The following DNMT1 variants were observed in gnomAD, a reference collection of about 807,000 sequenced individuals.
DNMT1 encodes the protein DNA methyltransferase 1, also known as DNA (cytosine-5)-methyltransferase 1.
Under a neutral mutation model 205.3 loss-of-function variants are expected in DNMT1, and 24 were observed. The ratio of observed to expected loss-of-function variants is 0.12; its 90% CI spans 0.08 to 0.16. DNMT1 has a LOEUF of 0.16. Ranked by LOEUF, DNMT1 falls within the 10% of genes least tolerant of loss-of-function variation. The pLI is 1.00. For synonymous variants in DNMT1, 817 were observed against 839.8 expected, an observed-to-expected ratio of 0.97 and a Z score of 0.47; for missense variants, 1,293 against 2,177.7, an observed-to-expected ratio of 0.59 and a Z score of 8.09.
intron 13 of DNMT1, 27 bp downstream of exon 13, chr19:10,162,640 A>T (rs2038594541): frequency 7.5e-6 from 11 of 1,463,348 alleles, no homozygotes; most frequent in East Asian, 4.9e-5. Context: ...AAAAAAAAAA[A>T]GAAAGAAAGA....
At chr19:10,175,457 A>G in intron 7 of DNMT1, 83 bp downstream of exon 7, 2 of 1,540,506 alleles carry the variant, frequency 1.3e-6, no homozygotes, top group Non-Finnish European at 1.8e-6. Flanking sequence ...GTTTTTATTT[A>G]CTTGGACAGA....
In DNMT1 at chr19:10,138,391, A is replaced by C. The variant is rs779688616; in HGVS notation, c.4115+48T>G. On this transcript the variant is annotated intron_variant, in intron 35 of 40. Transcript: ENST00000359526. This position sits in a 1 kb window ranked among gnomAD's most constrained non-coding sequence, Gnocchi z 4.1. The stretch of plus-strand genomic sequence containing the variant: ...GGAGTACTCACGGGCCCCATGAGCT[A>C]CTGAGGCCTGCTCGGCAGTGTGTGG... The C allele has an allele frequency of 7.4e-6, 12 of 1,612,778 alleles. No homozygotes were observed. In the East Asian group the frequency reaches 2.7e-4, roughly 36 times the overall value.
intron 37 of DNMT1, among the ~76,000 whole-genome samples, chr19:10,136,539 G>A (rs1004092862): frequency 1.3e-5 from 2 of 151,348 alleles, no homozygotes; most frequent in Non-Finnish European, 2.9e-5. Flanking sequence ...GGGTTCAAGC[G>A]ATTCTCCTGC....
At position 10,140,778 on chromosome 19, in the gene DNMT1, C is replaced by T; in HGVS notation, c.3523+3G>A. On this transcript the variant is annotated splice_donor_region_variant and intron_variant, in intron 32 of 40. Transcript: ENST00000359526. The surrounding 1 kb of genome is among the most constrained non-coding windows in gnomAD (Gnocchi z 8.4). ...TTCAGAGATGGAGCCTACGGGCGCTCACCTGCTTGGTGGAATCCCTCCGAC... is the reference window on the plus strand; with the variant it reads ...TTCAGAGATGGAGCCTACGGGCGCTTACCTGCTTGGTGGAATCCCTCCGAC... The T allele has an allele frequency of 6.2e-7, 1 of 1,614,024 alleles. No homozygotes were observed. The highest frequency in any genetic ancestry group is 8.5e-7 in the Non-Finnish European group (1 of 1,179,936).
chr19:10,146,645 T>C lies in DNMT1; in HGVS notation c.2721-121A>G. On this transcript the variant is annotated intron_variant, in intron 27 of 40. Coordinates refer to ENST00000359526, the MANE Select transcript of DNMT1 (RefSeq NM_001130823.3). The surrounding 1 kb of genome is among the most constrained non-coding windows in gnomAD (Gnocchi z 4.4). Reference sequence around the variant, plus strand: ...AAGAGGAAAAAACATTTGCAGATGCTAGAAGGAAGAGGTGGCTTTCTTGTG... The same window carrying C: ...AAGAGGAAAAAACATTTGCAGATGCCAGAAGGAAGAGGTGGCTTTCTTGTG... 1 of 1,280,852 alleles carries C rather than the reference T, an allele frequency of 7.8e-7. No individual in the cohort carries two copies. Among genetic ancestry groups the C allele is most frequent in the Non-Finnish European group, 1.1e-6 (1 of 917,868 alleles). 79.3% of individuals were successfully genotyped at this position (1,280,852 alleles called of 1,614,324 possible). A position where few individuals can be genotyped will look rare whatever the true frequency, so the allele number is the denominator to read the frequency against.
At chr19:10,183,869 C>A (rs1279978498) in intron 1 of DNMT1, among the ~76,000 whole-genome samples, 1 of 151,862 alleles carries the variant, frequency 6.6e-6, no homozygotes, top group Non-Finnish European at 1.5e-5. Flanking sequence ...GAGTGAAACT[C>A]TGTCTCAAAA....
intron 1 of DNMT1, among the ~76,000 whole-genome samples, chr19:10,188,836 C>T (rs984059458): frequency 1.3e-5 from 2 of 152,084 alleles, no homozygotes; most frequent in South Asian, 2.1e-4. Context: ...GGGATGAGAC[C>T]GCCTCCAGAA....
At chr19:10,187,803 G>C (rs1306971417) in intron 1 of DNMT1, among the ~76,000 whole-genome samples, 1 of 151,548 alleles carries the variant, frequency 6.6e-6, no homozygotes, top group Non-Finnish European at 1.5e-5. Context: ...AGGAATTCAA[G>C]ACCAGCCTGA....
chr19:10,191,737 T>C (rs2039308616), intron 1 of DNMT1, among the ~76,000 whole-genome samples: 1 of 152,104 alleles, frequency 6.6e-6, no homozygotes, highest in African/African-American at 2.4e-5. Context: ...GGCTCACGCC[T>C]GTAATCTCAG....
At position 10,156,028 on chromosome 19, in the gene DNMT1, C is replaced by T. The variant is rs946373816; in HGVS notation, c.1400-83G>A. On this transcript the variant is annotated intron_variant, in intron 18 of 40. Coordinates refer to ENST00000359526, the MANE Select transcript of DNMT1 (RefSeq NM_001130823.3). The surrounding 1 kb of genome is among the most constrained non-coding windows in gnomAD (Gnocchi z 4.2). Reference sequence around the variant, plus strand: ...GCGCTCTAAGCGCCCACTCAGCAGACATCCCATCAGCCAGGTCGGGTGCTC... The same window carrying T: ...GCGCTCTAAGCGCCCACTCAGCAGATATCCCATCAGCCAGGTCGGGTGCTC... 4.9e-6 allele frequency: 7 copies of T among 1,426,052 alleles called. No individual in the cohort carries two copies. Among genetic ancestry groups the T allele is most frequent in the Non-Finnish European group, 4.8e-6 (5 of 1,032,820 alleles). The allele number at this position is 1,426,052 out of a possible 1,614,324, so 88.3% of individuals were successfully genotyped here.
At position 10,137,019 on chromosome 19, in the gene DNMT1, C is replaced by A; in HGVS notation, c.4489+66G>T. The A allele has an allele frequency of 6.4e-7, 1 of 1,567,814 alleles. No individual in the cohort carries two copies. Among genetic ancestry groups the A allele is most frequent in the Non-Finnish European group, 8.7e-7 (1 of 1,155,744 alleles). ...CTGCCCTGGCCTCCAGGTTCACAGG[C>A]CAAAGGCCCAGGGCTCTGCCTTCCT... On this transcript the variant is annotated intron_variant, in intron 37 of 40. Transcript: ENST00000359526. This position sits in a 1 kb window ranked among gnomAD's most constrained non-coding sequence, Gnocchi z 6.4.
rs766051225 is a variant in DNMT1, at chr19:10,138,553, G to A, written c.4001C>T (p.Ala1334Val). 70 of 1,610,746 alleles carry A rather than the reference G, an allele frequency of 4.3e-5. No individual in the cohort carries two copies. The highest frequency in any genetic ancestry group is 3.1e-4 in the South Asian group (28 of 91,092). The change falls in exon 35 of 41, where the codon GCG (alanine) becomes GTG (valine). Residue 1334 changes from alanine to valine, a missense_variant. Ala to Val is a moderately conservative substitution (Grantham distance 64). Around this residue, in one of 13 missense-constraint regions of DNMT1, gnomAD observed 148 missense variants for 256.1 expected, o/e 0.58. Coordinates refer to ENST00000359526, the MANE Select transcript of DNMT1 (RefSeq NM_001130823.3). This position sits in a 1 kb window ranked among gnomAD's most constrained non-coding sequence, Gnocchi z 4.1. ...CAGAGGGAGCTTCTCTCCAGGGGCC[G>A]CGGCCAGGATGATGGCCCGCCTCCT... ...QTRRRAIILA[A>V]APGEKLPLFP...
In DNMT1 at chr19:10,154,727, T is replaced by C. The variant is rs2038422188; in HGVS notation, c.1691A>G (p.Asp564Gly). The C allele has an allele frequency of 6.2e-7, 1 of 1,613,920 alleles. No homozygotes were observed. Residue 564 changes from aspartate (D) to glycine (G), a missense_variant, in exon 21 of 41, where the codon GAC (aspartate) becomes GGC (glycine). This residue lies in a region of DNMT1 where 120 missense variants were observed against 315.9 expected (regional missense o/e 0.38). Transcript: ENST00000359526. This position sits in a 1 kb window ranked among gnomAD's most constrained non-coding sequence, Gnocchi z 6.3. ...AAACTGCGCGTGTCGCAGGAGGGAG[T>C]CCTCTGTGAAGCGGTTCAAGTTGAG... ...SGLNLNRFTEDSLLRHAQFVV... is the reference protein window; with the variant it reads ...SGLNLNRFTEGSLLRHAQFVV...
In DNMT1 at chr19:10,154,565, T is replaced by C; in HGVS notation, c.1832+21A>G. On this transcript the variant is annotated intron_variant, in intron 21 of 40. Transcript: ENST00000359526. The surrounding 1 kb of genome is among the most constrained non-coding windows in gnomAD (Gnocchi z 6.3). ...CCTCCCCGGTCTCCAGTCTTCACTC[T>C]GGTCCCTGCCGCATCCTTACCTCTG... 1 of 1,613,870 alleles carries C rather than the reference T, an allele frequency of 6.2e-7. No individual in the cohort carries two copies. The highest frequency in any genetic ancestry group is 8.5e-7 in the Non-Finnish European group (1 of 1,179,858).
rs532154023 is a variant in DNMT1 at position 10,194,867 on chromosome 19, G to T, written c.33C>A (p.Pro11=). 6.2e-7 allele frequency: 1 copy of T among 1,611,320 alleles called. No individual in the cohort carries two copies. Among genetic ancestry groups the T allele is most frequent in the East Asian group, 2.2e-5 (1 of 44,696 alleles). ...GCGAGATGGCCGGGACGGCCAGTGT[G>T]GGCACCCGGGCTGGGGCGGTACGCG... The part of the protein sequence containing the change: MPARTAPARV[P]TLAVPAISLP... The change falls in exon 1 of 41, where the codon CCC becomes CCA. Residue 11 remains proline, a synonymous_variant. Transcript: ENST00000359526.
chr19:10,182,158 G>A, intron 1 of DNMT1, 81 bp from the exon 2 acceptor site: 1 of 1,454,986 alleles, frequency 6.9e-7, no homozygotes, highest in Admixed American at 1.7e-5. Flanking sequence ...CAGTTCTAAA[G>A]AAGTTTTGGA....
At chr19:10,190,036 G>A (rs1020026574) in intron 1 of DNMT1, among the ~76,000 whole-genome samples, 2 of 152,120 alleles carry the variant, frequency 1.3e-5, no homozygotes, top group Non-Finnish European at 2.9e-5. Flanking sequence ...TTGAAACCCA[G>A]CAGTCTGTAC....
intron 5 of DNMT1, chr19:10,179,965 G>A: frequency 4.1e-6 from 1 of 243,498 alleles, no homozygotes; most frequent in Non-Finnish European, 8.0e-6. Context: ...ACTCTATCCT[G>A]GGCGATAGAG....
intron 9 of DNMT1, among the ~76,000 whole-genome samples, chr19:10,171,804 C>CAAATAAATAAAT (rs201700970): frequency 7.9e-4 from 110 of 140,008 alleles, no homozygotes; most frequent in Middle Eastern, 7.0e-3. Context: ...GACTCCGTCT[C>CAAATAAATAAAT]AAATAAATAA....
Sources: gnomAD v4.1 joint callset for allele counts (sites outside exome capture counted in the v4.1 genomes callset) on GRCh38, gnomAD v4.1.1 for gene constraint, gnomAD v4.1.1 regional missense constraint, Gnocchi (gnomAD v3.1) non-coding constraint, MANE v1.5 for transcripts, NCBI Gene and HGNC (gene_info 2026-07-23, HGNC 2026-07-21) for gene names.